TAF4B: variants seen among roughly 807,000 people sequenced by gnomAD.
TAF4B encodes TATA-box binding protein associated factor 4b, also known as transcription initiation factor TFIID subunit 4B.
A neutral mutation model predicts 86.4 loss-of-function variants in TAF4B; 38 were observed. That is an observed-to-expected ratio of 0.44 (90% CI 0.34 to 0.58). TAF4B has a LOEUF of 0.58. TAF4B is among the 20% of genes least tolerant of loss of function. The pLI is 0.02. For synonymous variants in TAF4B, 388 were observed against 391.2 expected (o/e 0.99, Z 0.10); for missense variants, 988 against 1,027.6 (o/e 0.96, Z 0.53).
chr18:26,335,989 G>A (rs1341053428), intron 13 of TAF4B, among the ~76,000 whole-genome samples: 7 of 152,132 alleles, frequency 4.6e-5, no homozygotes, highest in African/African-American at 1.7e-4. Flanking sequence ...GCTGAGAACA[G>A]AATGAAATGA....
chr18:26,345,421 G>C (rs1029385621), intron 13 of TAF4B, among the ~76,000 whole-genome samples: 2 of 152,188 alleles, frequency 1.3e-5, no homozygotes, highest in Non-Finnish European at 2.9e-5. Flanking sequence ...CTCCTGCCAA[G>C]AATAAGAGCC....
intron 2 of TAF4B, 46 bp downstream of exon 2, chr18:26,265,361 T>C (rs1429729445): frequency 6.5e-7 from 1 of 1,541,998 alleles, no homozygotes; most frequent in African/African-American, 1.4e-5. Context: ...TTCTCAGCTA[T>C]AATTTTCATA....
intron 9 of TAF4B, among the ~76,000 whole-genome samples, chr18:26,301,337 A>G (rs1478463097): frequency 6.6e-6 from 1 of 151,778 alleles, no homozygotes; most frequent in African/African-American, 2.4e-5. Flanking sequence ...CCCAGGCTGA[A>G]GTACAGTGGC....
At chr18:26,250,971 A>T (rs1180541921) in intron 1 of TAF4B, among the ~76,000 whole-genome samples, 2 of 152,188 alleles carry the variant, frequency 1.3e-5, no homozygotes, top group Admixed American at 1.3e-4. Flanking sequence ...TATTTATTCA[A>T]TTCAGGAAAT....
At chr18:26,252,398 T>A (rs910590187) in intron 1 of TAF4B, among the ~76,000 whole-genome samples, 3 of 152,176 alleles carry the variant, frequency 2.0e-5, no homozygotes, top group Non-Finnish European at 4.4e-5. Flanking sequence ...TTCTAATAGT[T>A]TTTTAGAGGG....
intron 13 of TAF4B, among the ~76,000 whole-genome samples, chr18:26,348,166 G>A (rs1413112160): frequency 1.3e-5 from 2 of 152,100 alleles, no homozygotes; most frequent in Non-Finnish European, 2.9e-5. Flanking sequence ...CCATATGTTA[G>A]GACATAAAAC....
At chr18:26,287,498 T>C (rs1304381214) in intron 7 of TAF4B, among the ~76,000 whole-genome samples, 1 of 152,140 alleles carries the variant, frequency 6.6e-6, no homozygotes, top group Non-Finnish European at 1.5e-5. Context: ...GTTTAGAATG[T>C]TCTTCTTTAT....
chr18:26,262,375 G>A (rs2056182183), intron 1 of TAF4B, among the ~76,000 whole-genome samples: 1 of 152,084 alleles, frequency 6.6e-6, no homozygotes, highest in African/African-American at 2.4e-5. Flanking sequence ...GAGGGGAGTT[G>A]GTTGCAGCAA....
Position 26,346,861 on chromosome 18 carries a change from G to GTATATATA in TAF4B, c.2317-10823_2317-10816dup, listed in dbSNP as rs1173384806. Among the ~76,000 whole-genome samples, 36 of 17,774 alleles carry GTATATATA rather than the reference G, an allele frequency of 2.0e-3. 10 individuals are homozygous for GTATATATA. The highest frequency in any genetic ancestry group is 4.1e-3 in the African/African-American group (36 of 8,862). 11.7% of individuals were successfully genotyped at this position (17,774 alleles called of 152,430 possible). On this transcript the variant is annotated intron_variant, in intron 13 of 14. Transcript: ENST00000269142. Reference sequence around the variant, plus strand: ...TGTGTGTGTGTATATATATATATGTGTATATATATATATGTGTATATATAT... The same window carrying GTATATATA: ...TGTGTGTGTGTATATATATATATGTGTATATATATATATATATATATGTGTATATATAT...
intron 9 of TAF4B, among the ~76,000 whole-genome samples, chr18:26,305,510 C>T (rs970027916): frequency 2.0e-5 from 3 of 152,144 alleles, no homozygotes; most frequent in African/African-American, 4.8e-5. Flanking sequence ...TGGGTTCAAA[C>T]GATTCTCGTG....
rs1489525725 is a variant in TAF4B at position 26,239,552 on chromosome 18, A to T, written c.343+12276A>T. On this transcript the variant is annotated intron_variant, in intron 1 of 14. Coordinates refer to ENST00000269142, the MANE Select transcript of TAF4B (RefSeq NM_005640.3). ...CTCTGTAGGTTGCCTGTTCACTCTGATGGTAGTTTCTTATGCTGTGCAGAA... is the reference window on the plus strand; with the variant it reads ...CTCTGTAGGTTGCCTGTTCACTCTGTTGGTAGTTTCTTATGCTGTGCAGAA... Among the ~76,000 whole-genome samples, 3 of 152,136 alleles carry T rather than the reference A, an allele frequency of 2.0e-5. No homozygotes were observed. In the East Asian group the frequency reaches 5.8e-4, roughly 29 times the overall value.
rs535376138 is a variant in TAF4B, at chr18:26,390,112, C to T, written c.*100C>T. ...AATTTCAATTTCTGGAAAATAATCA[C>T]CAACATGAAAGAGCATTGTTTACAG... On this transcript the variant is annotated 3_prime_UTR_variant, in exon 15 of 15. Transcript: ENST00000269142. 2 of 1,258,006 alleles carry T rather than the reference C, an allele frequency of 1.6e-6. No homozygotes were observed. The highest frequency in any genetic ancestry group is 2.4e-5 in the East Asian group (1 of 41,796). 77.9% of individuals were successfully genotyped at this position (1,258,006 alleles called of 1,614,324 possible). A position where few individuals can be genotyped will look rare whatever the true frequency, so the allele number is the denominator to read the frequency against.
intron 11 of TAF4B, among the ~76,000 whole-genome samples, chr18:26,326,405 G>C (rs571768206): frequency 6.6e-6 from 1 of 152,236 alleles, no homozygotes; most frequent in African/African-American, 2.4e-5. Context: ...CACAGTTTCT[G>C]TCCAAATTCA....
intron 6 of TAF4B, among the ~76,000 whole-genome samples, chr18:26,284,384 A>G (rs566141694): frequency 5.3e-5 from 8 of 152,362 alleles, no homozygotes; most frequent in Admixed American, 3.3e-4. Flanking sequence ...TATGTGTCAC[A>G]TGGAGTAGCC....
chr18:26,285,922 A>G lies in TAF4B; in HGVS notation c.1013A>G (p.Gln338Arg), dbSNP rs763166783. Residue 338 changes from glutamine to arginine, a missense_variant, in exon 7 of 15, where the codon CAG (glutamine) becomes CGG (arginine). Physicochemically the swap from Gln to Arg is conservative, Grantham distance 43 (BLOSUM62 1). Coordinates refer to ENST00000269142, the MANE Select transcript of TAF4B (RefSeq NM_005640.3). ...TTACGACAACTTCTGCCTAACTCCC[A>G]GAGCTTCATCCAGCAATGTGTTCAG... Reference protein sequence around the residue: ...VALRQLLPNSQSFIQQCVQQT... With the variant: ...VALRQLLPNSRSFIQQCVQQT... The G allele has an allele frequency of 3.7e-6, 6 of 1,613,682 alleles. No individual in the cohort carries two copies. In the South Asian group the frequency reaches 6.6e-5, roughly 18 times the overall value.
intron 9 of TAF4B, among the ~76,000 whole-genome samples, chr18:26,303,002 A>T (rs1446434552): frequency 6.6e-6 from 1 of 151,850 alleles, no homozygotes; most frequent in Non-Finnish European, 1.5e-5. Flanking sequence ...TTGGTAATGC[A>T]TATTTTCTAC....
At chr18:26,335,032 G>A in intron 12 of TAF4B, 143 bp from the exon 13 acceptor site, 2 of 606,244 alleles carry the variant, frequency 3.3e-6, no homozygotes, top group Non-Finnish European at 5.7e-6. Flanking sequence ...GGGTGGGAGT[G>A]CAGCTAGACT....
chr18:26,276,717 A>G (rs1052491248), intron 5 of TAF4B, among the ~76,000 whole-genome samples: 1 of 152,198 alleles, frequency 6.6e-6, no homozygotes, highest in African/African-American at 2.4e-5. Flanking sequence ...TTTAAAAGTA[A>G]ACATTGAGCT....
chr18:26,324,603 A>C (rs1456538237), intron 11 of TAF4B, among the ~76,000 whole-genome samples: 1 of 152,232 alleles, frequency 6.6e-6, no homozygotes, highest in Admixed American at 6.5e-5. Flanking sequence ...GCACTAGGCA[A>C]AATGGATGGT....
Sources: gnomAD v4.1 joint callset for allele counts (sites outside exome capture counted in the v4.1 genomes callset) on GRCh38, gnomAD v4.1.1 for gene constraint, MANE v1.5 for transcripts, NCBI Gene and HGNC (gene_info 2026-07-23, HGNC 2026-07-21) for gene names.